HACE1: variants seen among roughly 807,000 people sequenced by gnomAD.
HACE1 encodes the protein HECT domain and ankyrin repeat containing E3 ubiquitin protein ligase 1, also known as E3 ubiquitin-protein ligase HACE1.
Under a neutral mutation model 118.4 loss-of-function variants are expected in HACE1, and 73 were observed. That is an observed-to-expected ratio of 0.62 (90% CI 0.51 to 0.75). The LOEUF (loss-of-function observed/expected upper bound fraction) is 0.75, where lower values mean the gene tolerates loss of function less well. Ranked by LOEUF, HACE1 falls within the 30% of genes least tolerant of loss-of-function variation. The probability of loss-of-function intolerance (pLI) is 0.00; values close to 1 mark genes in which losing one functional copy is unlikely to be tolerated. For synonymous variants in HACE1, 368 were observed against 374.8 expected (o/e 0.98, Z 0.21); for missense variants, 749 against 1,102.2 (o/e 0.68, Z 4.54).
chr6:104,839,841 A>T (rs1026509118), intron 5 of HACE1, among the ~76,000 whole-genome samples: 5 of 152,056 alleles, frequency 3.3e-5, no homozygotes, highest in Admixed American at 1.3e-4. Flanking sequence ...CCCCATCTCT[A>T]CTAAAAATGC....
intron 22 of HACE1, among the ~76,000 whole-genome samples, chr6:104,738,535 A>T (rs1330830803): frequency 6.7e-6 from 1 of 150,090 alleles, no homozygotes; most frequent in Non-Finnish European, 1.5e-5. Flanking sequence ...AAGCCTCAGG[A>T]GCTGATGTGA....
intron 7 of HACE1, among the ~76,000 whole-genome samples, chr6:104,804,759 A>G (rs1225571655): frequency 6.6e-6 from 1 of 152,216 alleles, no homozygotes; most frequent in Non-Finnish European, 1.5e-5. Flanking sequence ...AAAACCCTAG[A>G]AGAAAACCTA....
intron 19 of HACE1, among the ~76,000 whole-genome samples, chr6:104,753,511 C>T (rs913884473): frequency 4.6e-4 from 70 of 152,248 alleles, no homozygotes; most frequent in African/African-American, 1.7e-3. Context: ...TAAGTACCTA[C>T]CCCCTGGGAC....
At position 104,849,948 on chromosome 6, in the gene HACE1, CCTT is replaced by C. The variant is rs1434272683; in HGVS notation, c.222-705_222-703del. Among the ~76,000 whole-genome samples the C allele has an allele frequency of 6.1e-5, 8 of 131,592 alleles. No homozygotes were observed. In the South Asian group the frequency reaches 1.6e-3, roughly 26 times the overall value. 86.3% of individuals were successfully genotyped at this position (131,592 alleles called of 152,430 possible). On this transcript the variant is annotated intron_variant, in intron 3 of 23. Coordinates refer to ENST00000262903, the MANE Select transcript of HACE1 (RefSeq NM_020771.4). ...TACAGGCGTAAGCCACCACGCCCGT[CCTT>C]TTTTTTTTTTTTTTTTGAGACAGAG...
chr6:104,784,019 A>G (rs1239365482), intron 14 of HACE1, 67 bp downstream of exon 14: 6 of 818,306 alleles, frequency 7.3e-6, no homozygotes, highest in Non-Finnish European at 1.3e-5. Flanking sequence ...TTATTCCACT[A>G]AACAGTATTA....
Position 104,729,405 on chromosome 6 carries a change from G to T in HACE1, c.*257C>A. 1 of 456,192 alleles carries T rather than the reference G, an allele frequency of 2.2e-6. No individual in the cohort carries two copies. The highest frequency in any genetic ancestry group is 4.0e-6 in the Non-Finnish European group (1 of 253,090). 28.3% of individuals were successfully genotyped at this position (456,192 alleles called of 1,614,324 possible). On this transcript the variant is annotated 3_prime_UTR_variant, in exon 24 of 24. Transcript: ENST00000262903. ...CTTGGATAAAATTAATTATGAAAAA[G>T]GACAGTCTCTATTACTTTCAGTTAG...
At chr6:104,810,699 A>T (rs185853648) in intron 7 of HACE1, among the ~76,000 whole-genome samples, 1 of 152,222 alleles carries the variant, frequency 6.6e-6, no homozygotes, top group East Asian at 1.9e-4. Context: ...TGACACAGTG[A>T]GCGTTAACTA....
At chr6:104,767,945 TA>T (rs1451162977) in intron 19 of HACE1, among the ~76,000 whole-genome samples, 1 of 152,180 alleles carries the variant, frequency 6.6e-6, no homozygotes, top group Non-Finnish European at 1.5e-5. Context: ...ACTAATATTA[TA>T]AAAGTGATGC....
chr6:104,766,222 T>C (rs956753959), intron 19 of HACE1, among the ~76,000 whole-genome samples: 14 of 152,328 alleles, frequency 9.2e-5, no homozygotes, highest in Admixed American at 1.3e-4. Context: ...CTTGTGGGCA[T>C]GCTTGCATGA....
chr6:104,750,545 T>A, intron 19 of HACE1, 73 bp from the exon 20 acceptor site: 2 of 1,338,688 alleles, frequency 1.5e-6, no homozygotes, highest in Admixed American at 3.7e-5. Context: ...TAATTATTTC[T>A]TATTTAAGAG....
rs1775272848 is a variant in HACE1 at position 104,843,089 on chromosome 6, T to C, written c.402+134A>G. On this transcript the variant is annotated intron_variant, in intron 5 of 23. Transcript: ENST00000262903. Reference sequence around the variant, plus strand: ...TTAGACCACCTCACTCTAGCCTGAGTGACAGAGCGAGACTCTGTCTCAAAA... The same window carrying C: ...TTAGACCACCTCACTCTAGCCTGAGCGACAGAGCGAGACTCTGTCTCAAAA... 3 of 686,054 alleles carry C rather than the reference T, an allele frequency of 4.4e-6. No homozygotes were observed. The South Asian group carries it at 4.6e-5, about 11-fold the overall frequency. 42.5% of individuals were successfully genotyped at this position (686,054 alleles called of 1,614,324 possible). A position where few individuals can be genotyped will look rare whatever the true frequency, so the allele number is the denominator to read the frequency against.
chr6:104,844,808 G>A (rs1030152367), intron 4 of HACE1, among the ~76,000 whole-genome samples: 6 of 151,768 alleles, frequency 4.0e-5, no homozygotes, highest in East Asian at 1.9e-4. Context: ...GATTACAGGC[G>A]CCCGCCACCA....
intron 20 of HACE1, among the ~76,000 whole-genome samples, chr6:104,749,758 C>A (rs1182986831): frequency 6.6e-6 from 1 of 151,878 alleles, no homozygotes; most frequent in Non-Finnish European, 1.5e-5. Flanking sequence ...AGACATAAAT[C>A]ATATAAAATT....
chr6:104,777,628 A>AT (rs11429640), intron 14 of HACE1, among the ~76,000 whole-genome samples: 85,864 of 152,036 alleles, frequency 0.56, 25,891 homozygotes, highest in African/African-American at 0.8. Context: ...TTTATTCTCA[A>AT]TTCTTTTAAA....
In HACE1 at chr6:104,730,421, G is replaced by T. The variant is rs1428277312; in HGVS notation, c.2514-5C>A. 1.6e-6 allele frequency: 2 copies of T among 1,255,332 alleles called. No homozygotes were observed. Among genetic ancestry groups the T allele is most frequent in the East Asian group, 4.6e-5 (2 of 43,300 alleles). The allele number at this position is 1,255,332 out of a possible 1,614,324, so 77.8% of individuals were successfully genotyped here. ...CCACCATGTGGGACCCTGGAACTAA[G>T]AGTTTATATCTTAATACATTGTAAT... On this transcript the variant is annotated splice_region_variant and splice_polypyrimidine_tract_variant and intron_variant, in intron 22 of 23. Transcript: ENST00000262903.
At chr6:104,729,927 C>A (rs907407517) in intron 23 of HACE1, among the ~76,000 whole-genome samples, 163 bp from the exon 24 acceptor site, 5 of 152,124 alleles carry the variant, frequency 3.3e-5, no homozygotes, top group Non-Finnish European at 5.9e-5. Flanking sequence ...AAGAAAAAAT[C>A]TGCTGCATTG....
Position 104,771,980 on chromosome 6 carries a change from G to C in HACE1, c.1959C>G (p.Asn653Lys). The part of the protein sequence containing the change: ...FAGQILGLAL[N>K]HRQLVNIYFT... ...AGTAAATATTGACCAGCTGCCTGTG[G>C]TTCAACGCTAATCCCAAGATCTGCC... Residue 653 changes from asparagine (N) to lysine (K), a missense_variant, in exon 18 of 24, where the codon AAC (asparagine) becomes AAG (lysine). Asn to Lys is a moderately conservative substitution (Grantham distance 94). Around this residue, in one of 5 missense-constraint regions of HACE1, gnomAD observed 195 missense variants for 322.1 expected, o/e 0.61. Coordinates refer to ENST00000262903, the MANE Select transcript of HACE1 (RefSeq NM_020771.4). The C allele has an allele frequency of 6.2e-7, 1 of 1,608,464 alleles. No individual in the cohort carries two copies. Among genetic ancestry groups the C allele is most frequent in the Non-Finnish European group, 8.5e-7 (1 of 1,174,992 alleles).
intron 6 of HACE1, among the ~76,000 whole-genome samples, chr6:104,831,980 G>GAGGAAGGAAGGAAGGAAGGAAGGA (rs71276551): frequency 3.2e-5 from 2 of 62,860 alleles, no homozygotes; most frequent in African/African-American, 7.4e-5. Context: ...GAAGAGAAGA[G>GAGGAAGGAAGGAAGGAAGGAAGGA]AGGAAGGAAG....
At chr6:104,837,876 G>A (rs1774702869) in intron 5 of HACE1, among the ~76,000 whole-genome samples, 1 of 152,086 alleles carries the variant, frequency 6.6e-6, no homozygotes, top group Non-Finnish European at 1.5e-5. Context: ...TGCAAAATAT[G>A]AAATCAACAT....
Sources: allele counts gnomAD v4.1 joint callset (sites outside exome capture counted in the v4.1 genomes callset), GRCh38; gene constraint gnomAD v4.1.1; regional missense constraint gnomAD v4.1.1; transcripts MANE v1.5; gene names NCBI Gene and HGNC (gene_info 2026-07-23, HGNC 2026-07-21).